The following NSUN6 variants were observed in gnomAD, a reference collection of about 807,000 sequenced individuals.
NSUN6 encodes NOP2/Sun RNA methyltransferase 6, also known as tRNA (cytosine(72)-C(5))-methyltransferase NSUN6.
NSUN6 carries 64 observed loss-of-function variants against 58.0 expected under a neutral mutation model. The ratio of observed to expected loss-of-function variants is 1.10; its 90% CI spans 0.90 to 1.36. The LOEUF (loss-of-function observed/expected upper bound fraction) is 1.36, where lower values mean the gene tolerates loss of function less well. NSUN6 is among the 40% of genes most tolerant of loss of function. The probability of loss-of-function intolerance (pLI) is 0.00; values close to 1 mark genes in which losing one functional copy is unlikely to be tolerated. For synonymous variants in NSUN6, 231 were observed against 193.9 expected, an observed-to-expected ratio of 1.19 and a Z score of -1.59; for missense variants, 701 against 550.1, an observed-to-expected ratio of 1.27 and a Z score of -2.74.
At chr10:18,653,071 A>G, upstream of NSUN6, 2 of 984,074 alleles carry the variant, frequency 2.0e-6, no homozygotes, top group Non-Finnish European at 2.4e-6. Flanking sequence ...AGACATTTCC[A>G]AAGGAATTTC....
At chr10:18,567,101 T>TC (rs1186995416) in intron 8 of NSUN6, among the ~76,000 whole-genome samples, 1 of 150,718 alleles carries the variant, frequency 6.6e-6, no homozygotes, top group Non-Finnish European at 1.5e-5. Context: ...CATACCATCC[T>TC]CCATTTCATT....
rs1261355313 is a variant in NSUN6, at chr10:18,630,553, T to TA, written c.311+11922dup. Among the ~76,000 whole-genome samples the TA allele has an allele frequency of 2.0e-5, 3 of 151,124 alleles. No individual in the cohort carries two copies. In the South Asian group the frequency reaches 6.2e-4, roughly 31 times the overall value. ...AGAGAGAAGAATCAAATAGATGCGA[T>TA]AAAAAATGACAAAGGGGATATCACC... On this transcript the variant is annotated intron_variant, in intron 3 of 10. Transcript: ENST00000377304.
intron 2 of NSUN6, among the ~76,000 whole-genome samples, chr10:18,644,394 A>G (rs1392833325): frequency 2.6e-5 from 4 of 152,054 alleles, no homozygotes; most frequent in South Asian, 2.1e-4. Context: ...CATCCAGCCT[A>G]TTGTGTTTTT....
intron 8 of NSUN6, among the ~76,000 whole-genome samples, chr10:18,553,567 G>T (rs1040720175): frequency 2.0e-5 from 3 of 151,692 alleles, no homozygotes; most frequent in East Asian, 3.9e-4. Context: ...GAATGAAATG[G>T]AGTGTGGAAT....
intron 6 of NSUN6, among the ~76,000 whole-genome samples, chr10:18,603,187 G>A (rs1233126476): frequency 6.6e-6 from 1 of 152,136 alleles, no homozygotes; most frequent in Non-Finnish European, 1.5e-5. Context: ...CAGCTTCTTG[G>A]AAGGCTGAGG....
intron 2 of NSUN6, among the ~76,000 whole-genome samples, chr10:18,643,844 T>A (rs1470515021): frequency 1.3e-5 from 2 of 152,312 alleles, no homozygotes; most frequent in African/African-American, 4.8e-5. Flanking sequence ...GATCAAAGCT[T>A]CTCAAGCCAA....
intron 1 of NSUN6, among the ~76,000 whole-genome samples, chr10:18,649,643 A>AG (rs1441617343): frequency 1.1e-4 from 17 of 151,428 alleles, no homozygotes; most frequent in Admixed American, 4.6e-4. Context: ...AAAAAAAAAA[A>AG]GGCATAAAAC....
chr10:18,579,109 G>C (rs2056792486), intron 8 of NSUN6, among the ~76,000 whole-genome samples: 1 of 152,200 alleles, frequency 6.6e-6, no homozygotes, highest in Non-Finnish European at 1.5e-5. Context: ...TTCAAAATTA[G>C]AAAGGCATGA....
chr10:18,620,303 A>G (rs2058560063), intron 3 of NSUN6, among the ~76,000 whole-genome samples: 1 of 152,046 alleles, frequency 6.6e-6, no homozygotes, highest in African/African-American at 2.4e-5. Flanking sequence ...TAGCCAGGAT[A>G]GTCTCGATCT....
intron 3 of NSUN6, among the ~76,000 whole-genome samples, chr10:18,641,345 T>A (rs2059385533): frequency 2.0e-5 from 3 of 151,988 alleles, no homozygotes; most frequent in Admixed American, 2.0e-4. Context: ...ATTATAATCA[T>A]TATACTATGA....
At chr10:18,585,528 T>C (rs559324440) in intron 8 of NSUN6, among the ~76,000 whole-genome samples, 1 of 152,316 alleles carries the variant, frequency 6.6e-6, no homozygotes, top group East Asian at 1.9e-4. Flanking sequence ...GAAGACATCA[T>C]ATTATGCTAA....
intron 8 of NSUN6, among the ~76,000 whole-genome samples, chr10:18,560,853 G>T (rs1488507592): frequency 6.6e-6 from 1 of 150,640 alleles, no homozygotes; most frequent in Non-Finnish European, 1.5e-5. Context: ...GGAATGGGGT[G>T]CAGTGGTGAA....
At chr10:18,559,764 GGAATGGAATGCA>G (rs1222776699) in intron 8 of NSUN6, among the ~76,000 whole-genome samples, 2 of 150,826 alleles carry the variant, frequency 1.3e-5, no homozygotes. Flanking sequence ...AGAATGGAAG[GGAATGGAATGCA>G]GAATGGAATG....
intron 5 of NSUN6, among the ~76,000 whole-genome samples, chr10:18,611,237 T>C (rs117983318): frequency 6.6e-6 from 1 of 152,108 alleles, no homozygotes; most frequent in South Asian, 2.1e-4. Flanking sequence ...AACTTATACC[T>C]AGTTTAAGGG....
At chr10:18,550,328 C>T (rs1228205612) in intron 9 of NSUN6, among the ~76,000 whole-genome samples, 2 of 152,062 alleles carry the variant, frequency 1.3e-5, no homozygotes, top group African/African-American at 2.4e-5. Context: ...TAGAAAAAGA[C>T]GAAGTTAAAT....
At chr10:18,553,450 G>A (rs1403110665) in intron 8 of NSUN6, among the ~76,000 whole-genome samples, 6 of 151,602 alleles carry the variant, frequency 4.0e-5, no homozygotes, top group Non-Finnish European at 8.8e-5. Context: ...ATGCGAAATG[G>A]AATGGAATGG....
chr10:18,615,631 T>C (rs2058382961), intron 4 of NSUN6, among the ~76,000 whole-genome samples: 1 of 152,212 alleles, frequency 6.6e-6, no homozygotes, highest in African/African-American at 2.4e-5. Context: ...GATCAAATTA[T>C]TCATTTCAAG....
chr10:18,605,953 A>G (rs1267925488), intron 6 of NSUN6, among the ~76,000 whole-genome samples: 1 of 152,238 alleles, frequency 6.6e-6, no homozygotes, highest in Non-Finnish European at 1.5e-5. Context: ...AAGAATATAT[A>G]TAAGAAATAA....
At chr10:18,649,627 C>CAA (rs1267244250) in intron 1 of NSUN6, among the ~76,000 whole-genome samples, 179 of 96,278 alleles carry the variant, frequency 1.9e-3, no homozygotes, top group Middle Eastern at 5.2e-3. Context: ...GACCCTGTCT[C>CAA]AAAAAAAAAA....
Sources: gnomAD v4.1 joint callset for allele counts (sites outside exome capture counted in the v4.1 genomes callset) on GRCh38, gnomAD v4.1.1 for gene constraint, MANE v1.5 for transcripts, NCBI Gene and HGNC (gene_info 2026-07-23, HGNC 2026-07-21) for gene names.